SCP2: variants seen among roughly 807,000 people sequenced by gnomAD.
The protein encoded by SCP2 is SCP-2/3-oxoacyl-CoA thiolase.
A neutral mutation model predicts 71.4 loss-of-function variants in SCP2; 48 were observed. The observed-to-expected ratio is 0.67, with a 90% CI of 0.53 to 0.86. SCP2 has a LOEUF of 0.86. Ranked by LOEUF, SCP2 falls within the 40% of genes least tolerant of loss-of-function variation. The pLI, the probability that SCP2 is intolerant of heterozygous loss-of-function variation, is 0.00. For synonymous variants in SCP2, 220 were observed against 218.1 expected (o/e 1.01, Z -0.08); for missense variants, 560 against 655.6 (o/e 0.85, Z 1.59).
chr1:53,014,607 T>C (rs1468924860), intron 11 of SCP2, among the ~76,000 whole-genome samples: 1 of 152,228 alleles, frequency 6.6e-6, no homozygotes, highest in Non-Finnish European at 1.5e-5. Context: ...ATGGTAAAAT[T>C]AAATTATTTT....
chr1:52,959,201 T>A (rs1427913404), intron 5 of SCP2, among the ~76,000 whole-genome samples: 1 of 151,884 alleles, frequency 6.6e-6, no homozygotes, highest in Non-Finnish European at 1.5e-5. Context: ...AAAAAAAATT[T>A]TTTTTTTTTT....
intron 11 of SCP2, among the ~76,000 whole-genome samples, chr1:53,011,117 G>A (rs1346145114): frequency 6.6e-6 from 1 of 152,162 alleles, no homozygotes; most frequent in Admixed American, 6.5e-5. Context: ...TTTGCTGTTT[G>A]AAGCTCAACA....
At chr1:52,937,224 A>G (rs576400678) in intron 1 of SCP2, among the ~76,000 whole-genome samples, 2 of 152,346 alleles carry the variant, frequency 1.3e-5, no homozygotes, top group East Asian at 1.9e-4. Flanking sequence ...ATTTAGAAAC[A>G]TGTCAGTTTC....
intron 11 of SCP2, among the ~76,000 whole-genome samples, chr1:53,012,696 C>G (rs766525360): frequency 6.6e-6 from 1 of 152,202 alleles, no homozygotes; most frequent in Admixed American, 6.5e-5. Flanking sequence ...TAACTTTGTA[C>G]ATTGCTTTCC....
intron 5 of SCP2, among the ~76,000 whole-genome samples, chr1:52,955,282 C>G (rs1304181739): frequency 6.6e-6 from 1 of 152,208 alleles, no homozygotes; most frequent in African/African-American, 2.4e-5. Flanking sequence ...TTTGCAGCTA[C>G]TTTTGCCTTG....
intron 14 of SCP2, among the ~76,000 whole-genome samples, chr1:53,046,193 T>G (rs1447787604): frequency 6.6e-6 from 1 of 152,200 alleles, no homozygotes; most frequent in Non-Finnish European, 1.5e-5. Context: ...GATTGCTAGT[T>G]CATATAGTAT....
In SCP2 at chr1:53,014,945, G is replaced by T. The variant is rs776673326; in HGVS notation, c.1137G>T (p.Arg379Ser). ...AGCTGAGAGGGGAAGCCGGAAAGAG[G>T]CAAGTTCCTGGTGCAAAGGTGGCTC... ...CWQLRGEAGK[R>S]QVPGAKVALQ... The change falls in exon 12 of 16, where the codon AGG becomes AGT. Residue 379 changes from arginine (R) to serine (S), a missense_variant. Around this residue, in one of 3 missense-constraint regions of SCP2, gnomAD observed 513 missense variants for 573.1 expected, o/e 0.90. Transcript: ENST00000371514. 4 of 1,613,984 alleles carry T rather than the reference G, an allele frequency of 2.5e-6. No individual in the cohort carries two copies. The highest frequency in any genetic ancestry group is 2.2e-5 in the South Asian group (2 of 91,066).
intron 1 of SCP2, among the ~76,000 whole-genome samples, chr1:52,933,194 C>T (rs1291080196): frequency 1.3e-5 from 2 of 152,160 alleles, no homozygotes. Context: ...TCAAAGCCTA[C>T]TTGAGTGATG....
intron 11 of SCP2, among the ~76,000 whole-genome samples, chr1:53,001,115 G>A (rs1660289227): frequency 6.6e-6 from 1 of 151,976 alleles, no homozygotes; most frequent in South Asian, 2.1e-4. Context: ...AGCCAGATTT[G>A]AGGGCTAGGG....
At chr1:53,030,782 C>A (rs1024530712) in intron 13 of SCP2, among the ~76,000 whole-genome samples, 1 of 151,860 alleles carries the variant, frequency 6.6e-6, no homozygotes, top group African/African-American at 2.4e-5. Flanking sequence ...TAGCTGTAGT[C>A]CCAGCTACTA....
chr1:52,941,602 G>A (rs1017494166), intron 1 of SCP2, among the ~76,000 whole-genome samples, 194 bp from the exon 2 acceptor site: 19 of 152,004 alleles, frequency 1.2e-4, no homozygotes, highest in Non-Finnish European at 2.8e-4. Flanking sequence ...GGGCATGGTG[G>A]TGTGCACCTG....
intron 6 of SCP2, among the ~76,000 whole-genome samples, chr1:52,962,019 A>C (rs2150144177): frequency 6.6e-6 from 1 of 152,186 alleles, no homozygotes; most frequent in South Asian, 2.1e-4. Context: ...CTTCCACCCC[A>C]GCCTCTCGAA....
intron 11 of SCP2, chr1:52,994,679 C>G: frequency 1.7e-6 from 1 of 581,332 alleles, no homozygotes; most frequent in South Asian, 1.6e-5. Flanking sequence ...TTTTCTTGCC[C>G]CATGCATACC....
chr1:53,005,487 G>A (rs1056368791), intron 11 of SCP2, among the ~76,000 whole-genome samples: 2 of 152,170 alleles, frequency 1.3e-5, no homozygotes, highest in Non-Finnish European at 2.9e-5. Flanking sequence ...TGCAGTCTCC[G>A]CTGGTGATAC....
At chr1:52,941,530 T>A (rs1654240312) in intron 1 of SCP2, among the ~76,000 whole-genome samples, 1 of 151,600 alleles carries the variant, frequency 6.6e-6, no homozygotes, top group South Asian at 2.1e-4. Context: ...AGGTCAGGAG[T>A]TTGAGACCAG....
At chr1:52,949,004 A>C (rs1417686508) in intron 3 of SCP2, among the ~76,000 whole-genome samples, 2 of 151,340 alleles carry the variant, frequency 1.3e-5, no homozygotes, top group African/African-American at 4.9e-5. Flanking sequence ...CCCCTACATC[A>C]TTTTAAATGA....
Position 52,950,784 on chromosome 1 carries a change from T to TC in SCP2, c.229_230insC (p.Tyr77SerfsTer17), listed in dbSNP as rs1325534568. ...CTCTACCTGTGGGCAGAGGGCTATC[T>TC]ATCACAGTTTGGGAATGACTGGAAT... On this transcript the variant is annotated frameshift_variant, in exon 4 of 16. Coordinates refer to ENST00000371514, the MANE Select transcript of SCP2 (RefSeq NM_002979.5). LOFTEE classifies it high-confidence loss of function. 1.2e-6 allele frequency: 2 copies of TC among 1,613,654 alleles called. No homozygotes were observed. Among genetic ancestry groups the TC allele is most frequent in the Non-Finnish European group, 1.7e-6 (2 of 1,179,680 alleles).
chr1:52,947,867 T>G, intron 2 of SCP2, 142 bp from the exon 3 acceptor site: 2 of 676,700 alleles, frequency 3.0e-6, no homozygotes, highest in South Asian at 3.2e-5. Flanking sequence ...AGATGTGACA[T>G]GATTTGATGA....
intron 3 of SCP2, among the ~76,000 whole-genome samples, chr1:52,950,475 A>C (rs1655190687): frequency 6.6e-6 from 1 of 152,220 alleles, no homozygotes; most frequent in South Asian, 2.1e-4. Context: ...TGCTTTCTTT[A>C]TCATATAGCC....
Sources: gnomAD v4.1 joint callset for allele counts (sites outside exome capture counted in the v4.1 genomes callset) on GRCh38, gnomAD v4.1.1 for gene constraint, gnomAD v4.1.1 regional missense constraint, MANE v1.5 for transcripts, NCBI Gene and HGNC (gene_info 2026-07-23, HGNC 2026-07-21) for gene names.